SPAG8: variants seen among roughly 807,000 people sequenced by gnomAD.
The protein encoded by SPAG8 is sperm-associated antigen 8.
Under a neutral mutation model 45.3 loss-of-function variants are expected in SPAG8, and 36 were observed. The observed-to-expected ratio is 0.80, with a 90% CI of 0.61 to 1.05. SPAG8 has a LOEUF of 1.05. SPAG8 is among the 50% of genes least tolerant of loss of function. SPAG8 has a pLI of 0.00. For synonymous variants in SPAG8, 227 were observed against 232.6 expected, an observed-to-expected ratio of 0.98 and a Z score of 0.22; for missense variants, 573 against 609.2, an observed-to-expected ratio of 0.94 and a Z score of 0.63.
rs754349641 is a variant in SPAG8 at position 35,810,419 on chromosome 9, G to A, written c.1200+20C>T. 60 of 1,481,340 alleles carry A rather than the reference G, an allele frequency of 4.1e-5. No individual in the cohort carries two copies. The highest frequency in any genetic ancestry group is 5.3e-5 in the Non-Finnish European group (57 of 1,069,372). The allele number at this position is 1,481,340 out of a possible 1,614,324, so 91.8% of individuals were successfully genotyped here. A position where few individuals can be genotyped will look rare whatever the true frequency, so the allele number is the denominator to read the frequency against. On this transcript the variant is annotated intron_variant, in intron 5 of 6. Coordinates refer to ENST00000396638, the MANE Select transcript of SPAG8 (RefSeq NM_001039592.2). ...AGCCCAGCTGGTGCAAGTGGCGGGG[G>A]ATGGGGGGTGGGTTCTCACCTTTGT...
downstream of SPAG8, chr9:35,809,359 T>C (rs1828632151): frequency 1.2e-6 from 2 of 1,613,908 alleles, no homozygotes; most frequent in African/African-American, 1.3e-5. The surrounding 1 kb of genome is among the most constrained non-coding windows in gnomAD (Gnocchi z 4.1). Context: ...ATCTGAATCA[T>C]GTCCACTCTC....
At position 35,810,886 on chromosome 9, in the gene SPAG8, G is replaced by C. The variant is rs780016464; in HGVS notation, c.1036C>G (p.Arg346Gly). Reference protein sequence around the residue: ...QPPGNVYWPLRGKREAMLEML... With the variant: ...QPPGNVYWPLGGKREAMLEML... Reference sequence around the variant, plus strand: ...CCTACCCTCTCACATTTCACACCTCGAAGTGGCCAATAGACGTTTCCTGGT... The same window carrying C: ...CCTACCCTCTCACATTTCACACCTCCAAGTGGCCAATAGACGTTTCCTGGT... The change falls in exon 3 of 7, where the codon CGA (arginine) becomes GGA (glycine). Residue 346 changes from arginine to glycine, a missense_variant. Coordinates refer to ENST00000396638, the MANE Select transcript of SPAG8 (RefSeq NM_001039592.2). 1.2e-6 allele frequency: 2 copies of C among 1,612,490 alleles called. No individual in the cohort carries two copies.
At chr9:35,812,069 C>A (rs199882784) in intron 1 of SPAG8, 35 bp downstream of exon 1, 1 of 1,610,974 alleles carries the variant, frequency 6.2e-7, no homozygotes, top group Non-Finnish European at 8.5e-7. Context: ...CCTTCCTCGT[C>A]CCCTTATGCC....
At chr9:35,810,595 T>A (rs1240202323) in intron 4 of SPAG8, 42 bp from the exon 5 acceptor site, 2 of 1,613,868 alleles carry the variant, frequency 1.2e-6, no homozygotes, top group African/African-American at 2.7e-5. Context: ...TCACCCAATT[T>A]TTCTCCTCCC....
In SPAG8 at chr9:35,810,696, G is replaced by A. The variant is rs768701401; in HGVS notation, c.1040-14C>T. 6.2e-7 allele frequency: 1 copy of A among 1,613,896 alleles called. No homozygotes were observed. Among genetic ancestry groups the A allele is most frequent in the Non-Finnish European group, 8.5e-7 (1 of 1,179,814 alleles). ...CTTCACGCTTCCCTGTGAGAGAGTT[G>A]GGGGGTGGGCAAGGTGGGGTCTGGT... On this transcript the variant is annotated splice_polypyrimidine_tract_variant and intron_variant, in intron 3 of 6. Coordinates refer to ENST00000396638, the MANE Select transcript of SPAG8 (RefSeq NM_001039592.2).
chr9:35,810,779 C>T (rs138934029), intron 3 of SPAG8, 97 bp from the exon 4 acceptor site: 20 of 1,599,766 alleles, frequency 1.3e-5, no homozygotes, highest in Admixed American at 8.4e-5. Flanking sequence ...CTTGGGGTTC[C>T]GCCCTTATAT....
downstream of SPAG8, chr9:35,809,132 TC>T (rs759219782): frequency 8.2e-6 from 13 of 1,591,244 alleles, no homozygotes; most frequent in East Asian, 2.9e-4. This position sits in a 1 kb window ranked among gnomAD's most constrained non-coding sequence, Gnocchi z 4.1. Context: ...CATTCCACCA[TC>T]CTCCCCATTC....
At position 35,811,818 on chromosome 9, in the gene SPAG8, G is replaced by C. The variant is rs1828818752; in HGVS notation, c.228C>G (p.Thr76=). The change falls in exon 2 of 7, where the codon ACC becomes ACG. Residue 76 remains threonine, a synonymous_variant. Transcript: ENST00000396638. The part of the protein sequence containing the change: ...TAKAAALSTK[T]PAPCSEFMEP... Reference sequence around the variant, plus strand: ...CCATGAACTCAGAACAGGGCGCTGGGGTCTTTGTAGATAATGCAGCTGCTT... The same window carrying C: ...CCATGAACTCAGAACAGGGCGCTGGCGTCTTTGTAGATAATGCAGCTGCTT... 2 of 1,612,734 alleles carry C rather than the reference G, an allele frequency of 1.2e-6. No individual in the cohort carries two copies. The highest frequency in any genetic ancestry group is 1.7e-6 in the Non-Finnish European group (2 of 1,178,950).
chr9:35,810,846 A>G, intron 3 of SPAG8, 37 bp downstream of exon 3: 1 of 1,603,602 alleles, frequency 6.2e-7, no homozygotes. Flanking sequence ...CCTCTGAGTA[A>G]TGGGCTCGTT....
At position 35,812,003 on chromosome 9, in the gene SPAG8, TGAAA is replaced by T. The variant is rs1431781840; in HGVS notation, c.45-6_45-3del. 1.2e-6 allele frequency: 2 copies of T among 1,603,656 alleles called. No homozygotes were observed. The highest frequency in any genetic ancestry group is 2.7e-5 in the African/African-American group (2 of 74,248). On this transcript the variant is annotated splice_polypyrimidine_tract_variant and splice_region_variant and intron_variant, in intron 1 of 6. Coordinates refer to ENST00000396638, the MANE Select transcript of SPAG8 (RefSeq NM_001039592.2). ...GAGCTGGGCTGTATGTCTAAAGATC[TGAAA>T]GAAAGCAAACACGACATGGCTGTCA...
In SPAG8 at chr9:35,809,845, C is replaced by T. The variant is rs1828673689; in HGVS notation, c.*93G>A. Reference sequence around the variant, plus strand: ...AGAGAGAACCCTTTATGTAAAGCCTCTTCAAGTACAGTGAGAATTAACTTC... The same window carrying T: ...AGAGAGAACCCTTTATGTAAAGCCTTTTCAAGTACAGTGAGAATTAACTTC... On this transcript the variant is annotated 3_prime_UTR_variant, in exon 7 of 7. Coordinates refer to ENST00000396638, the MANE Select transcript of SPAG8 (RefSeq NM_001039592.2). The surrounding 1 kb of genome is among the most constrained non-coding windows in gnomAD (Gnocchi z 4.1). The T allele has an allele frequency of 6.5e-7, 1 of 1,533,926 alleles. No homozygotes were observed. Among genetic ancestry groups the T allele is most frequent in the Non-Finnish European group, 8.7e-7 (1 of 1,148,418 alleles).
Position 35,810,891 on chromosome 9 carries a change from G to A in SPAG8, c.1031C>T (p.Pro344Leu), listed in dbSNP as rs1215929705. 7 of 1,613,034 alleles carry A rather than the reference G, an allele frequency of 4.3e-6. No homozygotes were observed. The African/African-American group carries it at 6.7e-5, about 15-fold the overall frequency. ...SYQPPGNVYW[P>L]LRGKREAMLE... ...CCTCTCACATTTCACACCTCGAAGT[G>A]GCCAATAGACGTTTCCTGGTGGCTG... The change falls in exon 3 of 7, where the codon CCA becomes CTA. Residue 344 changes from proline to leucine, a missense_variant. By Grantham distance (98) the Pro-to-Leu change is moderately conservative. Transcript: ENST00000396638.
At chr9:35,809,545 C>T, downstream of SPAG8, 1 of 1,592,006 alleles carries the variant, frequency 6.3e-7, no homozygotes, top group Non-Finnish European at 8.6e-7. The surrounding 1 kb of genome is among the most constrained non-coding windows in gnomAD (Gnocchi z 4.1). Flanking sequence ...TTTTCATATG[C>T]AATGGAAAAC....
chr9:35,810,754 A>C (rs1828745289), intron 3 of SPAG8, 72 bp from the exon 4 acceptor site: 3 of 1,606,990 alleles, frequency 1.9e-6, no homozygotes, highest in African/African-American at 2.7e-5. Context: ...CTAACTTGAG[A>C]AAAGGAAGAA....
downstream of SPAG8, chr9:35,809,150 C>T (rs1398780360): frequency 6.2e-7 from 1 of 1,612,806 alleles, no homozygotes; most frequent in Non-Finnish European, 8.5e-7. This position sits in a 1 kb window ranked among gnomAD's most constrained non-coding sequence, Gnocchi z 4.1. Flanking sequence ...ATTCCACCCA[C>T]CCCAGCGCTG....
chr9:35,810,277 G>A lies in SPAG8; in HGVS notation c.1233C>T (p.Thr411=). 2 of 1,614,234 alleles carry A rather than the reference G, an allele frequency of 1.2e-6. No individual in the cohort carries two copies. The highest frequency in any genetic ancestry group is 1.7e-6 in the Non-Finnish European group (2 of 1,180,022). ...PHDYRQEQPE[T]FWIQRAPQLP... ...GCTGTGGTGCCCTCTGTATCCAGAA[G>A]GTCTCAGGTTGCTCCTGGCGGTAGT... The change falls in exon 6 of 7, where the codon ACC becomes ACT. Residue 411 remains threonine (T), a synonymous_variant. Coordinates refer to ENST00000396638, the MANE Select transcript of SPAG8 (RefSeq NM_001039592.2).
chr9:35,809,273 G>A (rs367545714), downstream of SPAG8: 37 of 1,608,438 alleles, frequency 2.3e-5, no homozygotes, highest in Non-Finnish European at 3.1e-5. This position sits in a 1 kb window ranked among gnomAD's most constrained non-coding sequence, Gnocchi z 4.1. Context: ...GGGGAGGGGG[G>A]CATGGAAAGG....
Position 35,811,481 on chromosome 9 carries a change from A to C in SPAG8, c.565T>G (p.Ser189Ala). 1.2e-6 allele frequency: 2 copies of C among 1,610,446 alleles called. No individual in the cohort carries two copies. The highest frequency in any genetic ancestry group is 1.7e-6 in the Non-Finnish European group (2 of 1,177,790). Residue 189 changes from serine to alanine, a missense_variant, in exon 2 of 7, where the codon TCT becomes GCT. Coordinates refer to ENST00000396638, the MANE Select transcript of SPAG8 (RefSeq NM_001039592.2). ...SGPGSGPGHGSGSHPGPASGP... is the reference protein window; with the variant it reads ...SGPGSGPGHGAGSHPGPASGP... ...GAGGCAGGACCAGGATGAGAGCCAG[A>C]GCCATGACCAGGACCAGAGCCAGGA...
At chr9:35,808,137 C>T (rs1180822472), downstream of SPAG8, 2 of 1,485,892 alleles carry the variant, frequency 1.3e-6, no homozygotes, top group African/African-American at 1.4e-5. This position sits in a 1 kb window ranked among gnomAD's most constrained non-coding sequence, Gnocchi z 4.0. Context: ...ACAGTTTGGG[C>T]TGTCAGGTCC....
Sources: allele counts gnomAD v4.1 joint callset, GRCh38; gene constraint gnomAD v4.1.1; non-coding constraint Gnocchi (gnomAD v3.1); transcripts MANE v1.5; gene names NCBI Gene and HGNC (gene_info 2026-07-23, HGNC 2026-07-21).